The following CTNNA3 variants were observed in gnomAD, a reference collection of about 807,000 sequenced individuals.
The protein encoded by CTNNA3 is catenin alpha-3.
CTNNA3 carries 76 observed loss-of-function variants against 95.7 expected under a neutral mutation model. The observed-to-expected ratio is 0.79, with a 90% CI of 0.66 to 0.96. The LOEUF (loss-of-function observed/expected upper bound fraction) is 0.96. Ranked by LOEUF, CTNNA3 falls within the 40% of genes least tolerant of loss-of-function variation. The probability of loss-of-function intolerance (pLI) is 0.00; values close to 1 mark genes in which losing one functional copy is unlikely to be tolerated. For synonymous variants in CTNNA3, 431 were observed against 374.4 expected, an observed-to-expected ratio of 1.15 and a Z score of -1.74; for missense variants, 1,191 against 1,089.8, an observed-to-expected ratio of 1.09 and a Z score of -1.31.
chr10:67,256,037 A>G (rs1866336647), intron 5 of CTNNA3, among the ~76,000 whole-genome samples: 2 of 151,278 alleles, frequency 1.3e-5, no homozygotes, highest in African/African-American at 4.8e-5. Flanking sequence ...TAAGAACAGC[A>G]GCAAAAAAAA....
At chr10:67,324,454 T>C (rs1841458108) in intron 5 of CTNNA3, among the ~76,000 whole-genome samples, 1 of 152,242 alleles carries the variant, frequency 6.6e-6, no homozygotes, top group Non-Finnish European at 1.5e-5. Flanking sequence ...TGAAGGAATG[T>C]TGAATTTATC....
At chr10:67,260,652 C>T (rs1199492146) in intron 5 of CTNNA3, among the ~76,000 whole-genome samples, 1 of 151,678 alleles carries the variant, frequency 6.6e-6, no homozygotes, top group African/African-American at 2.4e-5. Flanking sequence ...TAACATGCTA[C>T]GTGACTTTCA....
chr10:66,370,383 T>A (rs1309683827), intron 12 of CTNNA3, among the ~76,000 whole-genome samples: 1 of 152,150 alleles, frequency 6.6e-6, no homozygotes, highest in Non-Finnish European at 1.5e-5. Context: ...TGAGATGAAA[T>A]GGAAGAGAGA....
rs74893522 is a variant in CTNNA3 at position 67,131,438 on chromosome 10, T to C, written c.1047+48879A>G. ...CACAAATAAACAACTATATAAGTAA[T>C]AGCTATTGTGTTATTATTATTATTA... is the stretch of plus-strand genomic sequence containing the variant. On this transcript the variant is annotated intron_variant, in intron 7 of 17. Transcript: ENST00000433211. 0.01 allele frequency among the ~76,000 whole-genome samples: 1,528 copies of C among 152,218 alleles called. 76 individuals are homozygous for C. In the East Asian group the frequency reaches 0.14, roughly 14 times the overall value.
At position 66,792,478 on chromosome 10, in the gene CTNNA3, C is replaced by T. The variant is rs145525960; in HGVS notation, c.1048-16954G>A. 2.0e-5 allele frequency among the ~76,000 whole-genome samples: 3 copies of T among 152,194 alleles called. No homozygotes were observed. The East Asian group carries it at 5.8e-4, about 29-fold the overall frequency. On this transcript the variant is annotated intron_variant, in intron 7 of 17. Transcript: ENST00000433211. Reference sequence around the variant, plus strand: ...AAATTCTCTATCACCCACAAGCTCCCAGGTGGTACTCACACAGCAGGTACA... The same window carrying T: ...AAATTCTCTATCACCCACAAGCTCCTAGGTGGTACTCACACAGCAGGTACA...
chr10:67,599,396 A>G (rs960595208), intron 3 of CTNNA3, among the ~76,000 whole-genome samples: 1 of 152,236 alleles, frequency 6.6e-6, no homozygotes, highest in East Asian at 1.9e-4. Flanking sequence ...TGTCACCCAT[A>G]GTAAAAGAAA....
At chr10:67,415,665 C>A (rs193224553) in intron 5 of CTNNA3, among the ~76,000 whole-genome samples, 2 of 152,064 alleles carry the variant, frequency 1.3e-5, no homozygotes, top group East Asian at 3.9e-4. Flanking sequence ...TCATATAGAA[C>A]GACAAAAGAG....
intron 7 of CTNNA3, chr10:66,926,304 A>G: frequency 2.4e-6 from 1 of 418,642 alleles, no homozygotes; most frequent in Non-Finnish European, 4.5e-6. Flanking sequence ...AAAAAACTGT[A>G]AAGATGCAAA....
chr10:66,621,330 A>T (rs78960521), intron 10 of CTNNA3, among the ~76,000 whole-genome samples: 1 of 152,192 alleles, frequency 6.6e-6, no homozygotes, highest in East Asian at 1.9e-4. Context: ...CCATGCTTCA[A>T]ATAAACATTT....
chr10:67,257,366 A>C (rs1389022862), intron 5 of CTNNA3, among the ~76,000 whole-genome samples: 1 of 152,256 alleles, frequency 6.6e-6, no homozygotes, highest in Non-Finnish European at 1.5e-5. Context: ...ATTTCAGTTT[A>C]AACTAGGAAA....
intron 7 of CTNNA3, among the ~76,000 whole-genome samples, chr10:67,129,642 G>A (rs981404971): frequency 2.6e-5 from 4 of 152,104 alleles, no homozygotes; most frequent in Non-Finnish European, 5.9e-5. Context: ...ACGAGCACTT[G>A]TTATTTACTA....
At chr10:66,073,213 A>G (rs1173969363) in intron 14 of CTNNA3, among the ~76,000 whole-genome samples, 1 of 152,194 alleles carries the variant, frequency 6.6e-6, no homozygotes, top group Non-Finnish European at 1.5e-5. Flanking sequence ...ATTATACAAC[A>G]TGGTGACTAC....
chr10:67,037,097 T>C (rs919192576), intron 7 of CTNNA3, among the ~76,000 whole-genome samples: 5 of 152,224 alleles, frequency 3.3e-5, no homozygotes, highest in African/African-American at 1.2e-4. Flanking sequence ...GGCATTTGAC[T>C]GGGTGAGGAT....
chr10:66,685,171 A>G (rs1847207999), intron 9 of CTNNA3, among the ~76,000 whole-genome samples: 1 of 110,104 alleles, frequency 9.1e-6, no homozygotes, highest in Non-Finnish European at 1.8e-5. Flanking sequence ...GTATATATAT[A>G]TATACACATA....
intron 1 of CTNNA3, among the ~76,000 whole-genome samples, chr10:67,710,685 C>A (rs1841102384): frequency 6.6e-6 from 1 of 152,174 alleles, no homozygotes; most frequent in African/African-American, 2.4e-5. Flanking sequence ...GACACAGTTA[C>A]TGTTGTAAAC....
intron 3 of CTNNA3, among the ~76,000 whole-genome samples, chr10:67,567,011 G>A (rs1841828854): frequency 8.1e-6 from 1 of 123,608 alleles, no homozygotes. Context: ...TCACACTCTG[G>A]GGACTGTTTT....
chr10:67,662,798 T>C (rs1840226285), intron 1 of CTNNA3, among the ~76,000 whole-genome samples: 1 of 152,158 alleles, frequency 6.6e-6, no homozygotes, highest in Non-Finnish European at 1.5e-5. Context: ...TAACTGTATA[T>C]GGTTGTCAGA....
rs145886424 is a variant in CTNNA3 at position 66,526,288 on chromosome 10, C to T, written c.1375-5515G>A. Among the ~76,000 whole-genome samples, 145 of 152,190 alleles carry T rather than the reference C, an allele frequency of 9.5e-4. 1 individual carries two copies. The highest frequency in any genetic ancestry group is 1.9e-3 in the Non-Finnish European group (127 of 67,994). On this transcript the variant is annotated intron_variant, in intron 10 of 17. Coordinates refer to ENST00000433211, the MANE Select transcript of CTNNA3 (RefSeq NM_013266.4). Reference sequence around the variant, plus strand: ...GCAACTTCCACCTCTCAGGCTCAAGCGATCCTCCCACCTCAGCCTCCCAAG... The same window carrying T: ...GCAACTTCCACCTCTCAGGCTCAAGTGATCCTCCCACCTCAGCCTCCCAAG...
chr10:66,288,544 G>A (rs375480532), intron 12 of CTNNA3, among the ~76,000 whole-genome samples: 1 of 151,864 alleles, frequency 6.6e-6, no homozygotes, highest in Non-Finnish European at 1.5e-5. Context: ...CCAGATATAC[G>A]CTGCTATTTA....
Sources: allele counts gnomAD v4.1 joint callset (sites outside exome capture counted in the v4.1 genomes callset), GRCh38; gene constraint gnomAD v4.1.1; transcripts MANE v1.5; gene names NCBI Gene and HGNC (gene_info 2026-07-23, HGNC 2026-07-21).